AP1AR: variants seen among roughly 807,000 people sequenced by gnomAD.
AP1AR encodes AP-1 complex-associated regulatory protein.
Under a neutral mutation model 46.3 loss-of-function variants are expected in AP1AR, and 29 were observed. The observed-to-expected ratio is 0.63, with a 90% CI of 0.47 to 0.85. The LOEUF (loss-of-function observed/expected upper bound fraction) is 0.85, where lower values mean the gene tolerates loss of function less well. Ranked by LOEUF, AP1AR falls within the 40% of genes least tolerant of loss-of-function variation. AP1AR has a pLI of 0.00. For synonymous variants in AP1AR, 122 were observed against 122.9 expected, an observed-to-expected ratio of 0.99 and a Z score of 0.05; for missense variants, 357 against 356.3, an observed-to-expected ratio of 1.00 and a Z score of -0.02.
chr4:112,238,480 C>A (rs1449676885), intron 1 of AP1AR, among the ~76,000 whole-genome samples: 1 of 151,780 alleles, frequency 6.6e-6, no homozygotes, highest in African/African-American at 2.4e-5. Context: ...ATATAGAAAT[C>A]AATAGTGTCA....
intron 1 of AP1AR, among the ~76,000 whole-genome samples, chr4:112,248,983 T>G (rs372637096): frequency 6.6e-6 from 1 of 152,158 alleles, no homozygotes; most frequent in East Asian, 1.9e-4. Context: ...AAGTCTGCCT[T>G]GACCACCCTA....
chr4:112,239,280 A>G (rs1487934012), intron 1 of AP1AR, among the ~76,000 whole-genome samples: 1 of 152,016 alleles, frequency 6.6e-6, no homozygotes, highest in Non-Finnish European at 1.5e-5. Flanking sequence ...CCTATCTCCT[A>G]TCTTTTCTCT....
At chr4:112,235,954 A>G (rs1283571353) in intron 1 of AP1AR, among the ~76,000 whole-genome samples, 1 of 151,254 alleles carries the variant, frequency 6.6e-6, no homozygotes, top group Non-Finnish European at 1.5e-5. Context: ...AGCTATTCTT[A>G]CTCTGTCTAT....
rs535617110 is a variant in AP1AR at position 112,258,810 on chromosome 4, TTTTA to T, written c.185+1018_185+1021del. 2.9e-3 allele frequency among the ~76,000 whole-genome samples: 449 copies of T among 152,344 alleles called. 1 individual carries two copies. The highest frequency in any genetic ancestry group is 5.2e-3 in the Non-Finnish European group (353 of 68,026). ...CTGAACACTTAAAATCTATATTTCA[TTTTA>T]TTTAAGTTATACTTCAAAGAAAAAA... On this transcript the variant is annotated intron_variant, in intron 4 of 9. Coordinates refer to ENST00000274000, the MANE Select transcript of AP1AR (RefSeq NM_018569.6).
chr4:112,263,796 T>C (rs540390655), intron 6 of AP1AR, among the ~76,000 whole-genome samples: 1 of 152,338 alleles, frequency 6.6e-6, no homozygotes, highest in African/African-American at 2.4e-5. Flanking sequence ...ATCCCTGTTT[T>C]ACAAATGAGA....
intron 1 of AP1AR, among the ~76,000 whole-genome samples, chr4:112,247,191 G>C (rs1248427358): frequency 6.6e-6 from 1 of 152,206 alleles, no homozygotes; most frequent in Middle Eastern, 3.2e-3. Flanking sequence ...GTAACATGAA[G>C]TGTATGTATG....
intron 1 of AP1AR, among the ~76,000 whole-genome samples, chr4:112,236,327 G>T (rs573998311): frequency 6.6e-6 from 1 of 150,796 alleles, no homozygotes; most frequent in Non-Finnish European, 1.5e-5. Context: ...TCTAAAACCC[G>T]CATTGGATTG....
At chr4:112,259,988 A>T (rs1453252913) in intron 4 of AP1AR, among the ~76,000 whole-genome samples, 2 of 152,166 alleles carry the variant, frequency 1.3e-5, no homozygotes, top group African/African-American at 4.8e-5. Flanking sequence ...GAACTTGAGT[A>T]TGTGAAGATT....
At chr4:112,232,343 G>A (rs569642009) in intron 1 of AP1AR, among the ~76,000 whole-genome samples, 169 bp downstream of exon 1, 2 of 152,336 alleles carry the variant, frequency 1.3e-5, no homozygotes, top group African/African-American at 4.8e-5. Context: ...CCCAGTCTGG[G>A]GTCCGGTCTT....
chr4:112,254,226 C>T (rs1486772812), intron 2 of AP1AR, among the ~76,000 whole-genome samples: 1 of 152,148 alleles, frequency 6.6e-6, no homozygotes, highest in African/African-American at 2.4e-5. Flanking sequence ...TGTTTACATT[C>T]CTATCTCTAG....
At chr4:112,257,495 A>G (rs1419556985) in intron 3 of AP1AR, among the ~76,000 whole-genome samples, 2 of 152,228 alleles carry the variant, frequency 1.3e-5, no homozygotes, top group Non-Finnish European at 2.9e-5. Flanking sequence ...GTATGTAACA[A>G]ATATTTGTTA....
intron 1 of AP1AR, among the ~76,000 whole-genome samples, chr4:112,237,415 G>A (rs1560600788): frequency 6.7e-6 from 1 of 150,114 alleles, no homozygotes; most frequent in Non-Finnish European, 1.5e-5. Context: ...CAAATACAGT[G>A]TTTTCTAACC....
At chr4:112,260,248 G>A (rs1271170089) in intron 4 of AP1AR, among the ~76,000 whole-genome samples, 2 of 152,190 alleles carry the variant, frequency 1.3e-5, no homozygotes, top group African/African-American at 4.8e-5. Context: ...CATATTGGTT[G>A]TAAGTGAAGC....
Position 112,266,230 on chromosome 4 carries a change from A to G in AP1AR, c.515-358A>G, listed in dbSNP as rs149129066. Reference sequence around the variant, plus strand: ...CCCAATACTGGAAGCATAGTATGGTAGTGGTTCCTTTTGAAAATATAGGTT... The same window carrying G: ...CCCAATACTGGAAGCATAGTATGGTGGTGGTTCCTTTTGAAAATATAGGTT... On this transcript the variant is annotated intron_variant, in intron 8 of 9. Coordinates refer to ENST00000274000, the MANE Select transcript of AP1AR (RefSeq NM_018569.6). Among the ~76,000 whole-genome samples the G allele has an allele frequency of 2.6e-5, 4 of 151,944 alleles. No homozygotes were observed. The East Asian group carries it at 7.7e-4, about 29-fold the overall frequency.
chr4:112,238,646 A>G (rs1725353265), intron 1 of AP1AR, among the ~76,000 whole-genome samples: 1 of 152,226 alleles, frequency 6.6e-6, no homozygotes, highest in Non-Finnish European at 1.5e-5. Context: ...TAAACCTTAA[A>G]GACTCCTAAG....
chr4:112,264,674 T>G (rs1285774082), intron 6 of AP1AR, among the ~76,000 whole-genome samples: 1 of 152,168 alleles, frequency 6.6e-6, no homozygotes, highest in East Asian at 1.9e-4. Context: ...ACTATTCCTT[T>G]CCTGCTCCTC....
chr4:112,239,398 T>G (rs1725386042), intron 1 of AP1AR, among the ~76,000 whole-genome samples: 1 of 152,226 alleles, frequency 6.6e-6, no homozygotes, highest in Non-Finnish European at 1.5e-5. Flanking sequence ...TGTTCACCTT[T>G]CCTGCTGCTG....
chr4:112,261,778 G>C (rs2110489495), intron 5 of AP1AR, among the ~76,000 whole-genome samples: 1 of 151,866 alleles, frequency 6.6e-6, no homozygotes, highest in South Asian at 2.1e-4. Context: ...AGACCAGCCT[G>C]GGCAACATGG....
chr4:112,266,114 T>G (rs1325514436), intron 8 of AP1AR, among the ~76,000 whole-genome samples: 1 of 151,792 alleles, frequency 6.6e-6, no homozygotes, highest in African/African-American at 2.4e-5. Flanking sequence ...GAGGAAGTAA[T>G]AGAAAAGTGT....
Sources: gnomAD v4.1 joint callset for allele counts (sites outside exome capture counted in the v4.1 genomes callset) on GRCh38, gnomAD v4.1.1 for gene constraint, MANE v1.5 for transcripts, NCBI Gene and HGNC (gene_info 2026-07-23, HGNC 2026-07-21) for gene names.